KLB: variants seen among roughly 807,000 people sequenced by gnomAD.
KLB encodes the protein beta-klotho.
Under a neutral mutation model 88.4 loss-of-function variants are expected in KLB, and 44 were observed. The observed-to-expected ratio is 0.50, with a 90% confidence interval of 0.39 to 0.64. The LOEUF is 0.64. Ranked by LOEUF, KLB falls within the 30% of genes least tolerant of loss-of-function variation. The pLI, the probability that KLB is intolerant of heterozygous loss-of-function variation, is 0.00. For synonymous variants in KLB, 548 were observed against 513.4 expected, an observed-to-expected ratio of 1.07 and a Z score of -0.91; for missense variants, 1,137 against 1,304.8, an observed-to-expected ratio of 0.87 and a Z score of 1.98.
At chr4:39,427,524 A>G (rs1378919430) in intron 1 of KLB, among the ~76,000 whole-genome samples, 2 of 151,672 alleles carry the variant, frequency 1.3e-5, no homozygotes, top group South Asian at 2.1e-4. Context: ...CAAAATAGAG[A>G]AGGGCTAAGC....
At chr4:39,411,582 C>T (rs1444542704) in intron 1 of KLB, among the ~76,000 whole-genome samples, 2 of 150,946 alleles carry the variant, frequency 1.3e-5, no homozygotes, top group African/African-American at 4.9e-5. Flanking sequence ...TGCAGTGGCT[C>T]GATCTCAGCT....
At chr4:39,442,668 C>G (rs1743637885) in intron 3 of KLB, among the ~76,000 whole-genome samples, 1 of 152,026 alleles carries the variant, frequency 6.6e-6, no homozygotes, top group Non-Finnish European at 1.5e-5. Context: ...CTCCTGACCT[C>G]GTGATCCACC....
Position 39,437,719 on chromosome 4 carries a change from C to T in KLB, c.1337-8C>T, listed in dbSNP as rs1743510424. 6.3e-7 allele frequency: 1 copy of T among 1,595,204 alleles called. No individual in the cohort carries two copies. The highest frequency in any genetic ancestry group is 8.6e-7 in the Non-Finnish European group (1 of 1,168,670). On this transcript the variant is annotated splice_region_variant and splice_polypyrimidine_tract_variant and intron_variant, in intron 2 of 4. Coordinates refer to ENST00000257408, the MANE Select transcript of KLB (RefSeq NM_175737.4). ...TCTGAACATCTCTGCTTTCTTTTCT[C>T]TGTGCAGCAATAAGGTTAGATGAAA...
chr4:39,446,842 AACG>A lies in KLB; in HGVS notation c.2119_2121del (p.Asp707del). ...AAGTGACATCTACAACCGCTCTGGC[AACG>A]ACACCTACGGGGCGGCGCACAACCT... On this transcript the variant is annotated inframe_deletion, in exon 4 of 5. Coordinates refer to ENST00000257408, the MANE Select transcript of KLB (RefSeq NM_175737.4). The surrounding 1 kb of genome is among the most constrained non-coding windows in gnomAD (Gnocchi z 6.4). The A allele has an allele frequency of 1.9e-6, 3 of 1,612,308 alleles. No individual in the cohort carries two copies. The highest frequency in any genetic ancestry group is 2.2e-5 in the South Asian group (2 of 91,034).
chr4:39,407,191 T>C lies in KLB; in HGVS notation c.242T>C (p.Phe81Ser), dbSNP rs1457613052. The C allele has an allele frequency of 1.2e-6, 2 of 1,614,102 alleles. No individual in the cohort carries two copies. Among genetic ancestry groups the C allele is most frequent in the South Asian group, 1.1e-5 (1 of 91,086 alleles). ...NESQLFLYDTFPKNFFWGIGT... is the reference protein window; with the variant it reads ...NESQLFLYDTSPKNFFWGIGT... ...AGTCAGCTGTTTCTCTATGACACTT[T>C]CCCTAAAAACTTTTTCTGGGGTATT... Residue 81 changes from phenylalanine (F) to serine (S), a missense_variant, in exon 1 of 5, where the codon TTC becomes TCC. Phe to Ser is a radical substitution (Grantham distance 155). Around this residue, in one of 4 missense-constraint regions of KLB, gnomAD observed 111 missense variants for 118.3 expected, o/e 0.94. Transcript: ENST00000257408.
chr4:39,421,990 C>A (rs1176927629), intron 1 of KLB, among the ~76,000 whole-genome samples: 1 of 152,146 alleles, frequency 6.6e-6, no homozygotes, highest in East Asian at 1.9e-4. Flanking sequence ...AAATGATCCA[C>A]CCCCTTCGGC....
rs56214945 is a variant in KLB at position 39,447,505 on chromosome 4, C to A, written c.2749+30C>A. 70 of 1,496,932 alleles carry A rather than the reference C, an allele frequency of 4.7e-5. No homozygotes were observed. In the East Asian group the frequency reaches 1.6e-3, roughly 34 times the overall value. The allele number at this position is 1,496,932 out of a possible 1,614,324, so 92.7% of individuals were successfully genotyped here. On this transcript the variant is annotated intron_variant, in intron 4 of 4. Coordinates refer to ENST00000257408, the MANE Select transcript of KLB (RefSeq NM_175737.4). ...GGGCGGGGCCCCTTCAGACACAGGG[C>A]AGAGCGAGATTCCTGTTACCTGACA...
chr4:39,407,019 AC>A lies in KLB; in HGVS notation c.71del (p.Thr24AsnfsTer47), dbSNP rs1345808233. ...TTTCTTCAGCACTGATGAAATAACCACACGCTATAGGAATACAATGTCCAAC... is the reference window on the plus strand; with the variant it reads ...TTTCTTCAGCACTGATGAAATAACCAACGCTATAGGAATACAATGTCCAAC... The part of the protein sequence containing the change: ...WIFFSTDEIT[T>X]RYRNTMSNGG... On this transcript the variant is annotated frameshift_variant, in exon 1 of 5. Coordinates refer to ENST00000257408, the MANE Select transcript of KLB (RefSeq NM_175737.4). LOFTEE classifies it high-confidence loss of function. 19 of 1,614,174 alleles carry A rather than the reference AC, an allele frequency of 1.2e-5. No individual in the cohort carries two copies. Among genetic ancestry groups the A allele is most frequent in the Non-Finnish European group, 1.6e-5 (19 of 1,180,012 alleles).
chr4:39,439,901 C>T (rs1014688394), intron 3 of KLB, among the ~76,000 whole-genome samples: 2 of 152,130 alleles, frequency 1.3e-5, no homozygotes, highest in African/African-American at 4.8e-5. Context: ...ATCCTGACCT[C>T]AGGTTATCCA....
At chr4:39,424,607 A>C (rs1288130832) in intron 1 of KLB, among the ~76,000 whole-genome samples, 1 of 151,526 alleles carries the variant, frequency 6.6e-6, no homozygotes, top group Non-Finnish European at 1.5e-5. Flanking sequence ...TATTATAATA[A>C]TTTGTAATCT....
chr4:39,447,698 A>T (rs574441080), intron 4 of KLB, among the ~76,000 whole-genome samples: 49 of 152,334 alleles, frequency 3.2e-4, no homozygotes, highest in African/African-American at 1.1e-3. Flanking sequence ...GCACGTGGAG[A>T]AGTTTTTAAA....
At chr4:39,417,154 C>A (rs1192656056) in intron 1 of KLB, among the ~76,000 whole-genome samples, 1 of 151,556 alleles carries the variant, frequency 6.6e-6, no homozygotes, top group Non-Finnish European at 1.5e-5. Context: ...AATAACGTAT[C>A]ATAATTAATT....
chr4:39,416,080 A>G (rs1186620481), intron 1 of KLB, among the ~76,000 whole-genome samples: 1 of 151,690 alleles, frequency 6.6e-6, no homozygotes. Context: ...TTAAACCTGC[A>G]ACAACAACAA....
intron 1 of KLB, among the ~76,000 whole-genome samples, chr4:39,416,000 C>T (rs977987708): frequency 6.6e-6 from 1 of 151,988 alleles, no homozygotes; most frequent in Non-Finnish European, 1.5e-5. Flanking sequence ...ATGCTGGACA[C>T]GTGTTAGGCA....
At chr4:39,440,797 A>G (rs1396329152) in intron 3 of KLB, among the ~76,000 whole-genome samples, 1 of 151,910 alleles carries the variant, frequency 6.6e-6, no homozygotes, top group African/African-American at 2.4e-5. Context: ...AGCTTAGGCA[A>G]TCTGCCTGTC....
Position 39,437,859 on chromosome 4 carries a change from G to T in KLB, c.1469G>T (p.Arg490Leu), listed in dbSNP as rs567666148. 6.2e-7 allele frequency: 1 copy of T among 1,614,136 alleles called. No homozygotes were observed. Among genetic ancestry groups the T allele is most frequent in the African/African-American group, 1.3e-5 (1 of 75,028 alleles). The change falls in exon 3 of 5, where the codon CGG becomes CTG. Residue 490 changes from arginine (R) to leucine (L), a missense_variant. Coordinates refer to ENST00000257408, the MANE Select transcript of KLB (RefSeq NM_175737.4). ...YVDFNSKQKE[R>L]KPKSSAHYYK... The stretch of plus-strand genomic sequence containing the variant: ...GATTTTAACAGTAAACAGAAAGAGC[G>T]GAAACCTAAGTCTTCAGCACACTAC...
chr4:39,442,188 G>A (rs1743613977), intron 3 of KLB, among the ~76,000 whole-genome samples: 1 of 151,780 alleles, frequency 6.6e-6, no homozygotes, highest in South Asian at 2.1e-4. Flanking sequence ...GTTGCAGTGA[G>A]CTGTGATCGT....
At chr4:39,447,544 G>GC in intron 4 of KLB, 69 bp downstream of exon 4, 2 of 1,330,846 alleles carry the variant, frequency 1.5e-6, no homozygotes, top group East Asian at 2.4e-5. Flanking sequence ...ACAAAGAATG[G>GC]GAGCAGCAGG....
intron 2 of KLB, among the ~76,000 whole-genome samples, chr4:39,436,356 C>T (rs1311982105): frequency 6.6e-6 from 1 of 152,182 alleles, no homozygotes; most frequent in African/African-American, 2.4e-5. Flanking sequence ...CAGCTACGGG[C>T]CATGCACATA....
Sources: gnomAD v4.1 joint callset for allele counts (sites outside exome capture counted in the v4.1 genomes callset) on GRCh38, gnomAD v4.1.1 for gene constraint, gnomAD v4.1.1 regional missense constraint, Gnocchi (gnomAD v3.1) non-coding constraint, MANE v1.5 for transcripts, NCBI Gene and HGNC (gene_info 2026-07-23, HGNC 2026-07-21) for gene names.